TMIGD3: variants seen among roughly 807,000 people sequenced by gnomAD.
The protein encoded by TMIGD3 is AD026 protein (AD026).
A neutral mutation model predicts 28.1 loss-of-function variants in TMIGD3; 21 were observed. The observed-to-expected ratio is 0.75, with a 90% CI of 0.53 to 1.08. The LOEUF is 1.08. TMIGD3 is among the 50% of genes least tolerant of loss of function. TMIGD3 has a pLI of 0.00. For synonymous variants in TMIGD3, 151 were observed against 162.1 expected (o/e 0.93, Z 0.52); for missense variants, 416 against 435.6 (o/e 0.96, Z 0.40).
chr1:111,502,027 T>A (rs377030456), intron 1 of TMIGD3, among the ~76,000 whole-genome samples: 1 of 91,616 alleles, frequency 1.1e-5, no homozygotes, highest in Non-Finnish European at 2.5e-5. Context: ...ATTTATTATA[T>A]TATATATAGG....
chr1:111,497,549 T>C (rs1219638615), intron 1 of TMIGD3, among the ~76,000 whole-genome samples: 1 of 152,162 alleles, frequency 6.6e-6, no homozygotes, highest in Non-Finnish European at 1.5e-5. Context: ...CTCCTGGGCT[T>C]ATGGAACACC....
intron 5 of TMIGD3, chr1:111,485,279 TG>T (rs1364477823): frequency 6.5e-6 from 1 of 153,216 alleles, no homozygotes; most frequent in Non-Finnish European, 1.5e-5. Flanking sequence ...GAGGATGGCT[TG>T]AGGCCAGGAG....
intron 1 of TMIGD3, among the ~76,000 whole-genome samples, chr1:111,547,204 A>C (rs904856506): frequency 1.3e-5 from 2 of 152,124 alleles, no homozygotes; most frequent in Non-Finnish European, 2.9e-5. Context: ...ACCTTTCACC[A>C]TTAAGTATAA....
intron 1 of TMIGD3, chr1:111,499,551 TCTCTG>T: frequency 9.9e-7 from 1 of 1,013,042 alleles, no homozygotes; most frequent in Middle Eastern, 5.0e-4. Context: ...GAGAGCAGGT[TCTCTG>T]CTCAATTCCA....
At position 111,503,590 on chromosome 1, in the gene TMIGD3, A is replaced by C. The variant is rs1655367048; in HGVS notation, c.-236T>G. 7.4e-7 allele frequency: 1 copy of C among 1,349,724 alleles called. No individual in the cohort carries two copies. Among genetic ancestry groups the C allele is most frequent in the South Asian group, 1.6e-5 (1 of 62,018 alleles). 83.6% of individuals were successfully genotyped at this position (1,349,724 alleles called of 1,614,324 possible). ...CTTCCAGCCCCTTTATGCACCGCAC[A>C]TCCTCAAGTTTCCAGAATGCTGTAG... On this transcript the variant is annotated 5_prime_UTR_variant, in exon 1 of 6. It removes an upstream start codon present in the reference 5' UTR. Coordinates refer to ENST00000369716, the MANE Select transcript of TMIGD3 (RefSeq NM_020683.7).
chr1:111,488,225 G>A (rs948475912), intron 3 of TMIGD3, among the ~76,000 whole-genome samples: 1 of 150,694 alleles, frequency 6.6e-6, no homozygotes, highest in Non-Finnish European at 1.5e-5. Context: ...AAGGCACACA[G>A]ACTTTTTTTT....
chr1:111,541,217 G>A (rs1165972231), intron 1 of TMIGD3, among the ~76,000 whole-genome samples: 1 of 152,188 alleles, frequency 6.6e-6, no homozygotes, highest in Non-Finnish European at 1.5e-5. Context: ...GCTATAGAAG[G>A]AAAGCTTTGG....
intron 1 of TMIGD3, chr1:111,542,093 T>A: frequency 4.7e-6 from 1 of 212,894 alleles, no homozygotes; most frequent in South Asian, 5.7e-5. Flanking sequence ...AGCTTTTTTT[T>A]TTTTTTTGAA....
intron 1 of TMIGD3, among the ~76,000 whole-genome samples, chr1:111,522,136 AAT>A (rs1216534330): frequency 4.6e-5 from 7 of 152,218 alleles, no homozygotes; most frequent in Non-Finnish European, 1.0e-4. Context: ...TCTTTATACC[AAT>A]ACCACATCAT....
At chr1:111,486,963 G>C (rs1474756526) in intron 3 of TMIGD3, among the ~76,000 whole-genome samples, 2 of 152,206 alleles carry the variant, frequency 1.3e-5, no homozygotes, top group Non-Finnish European at 2.9e-5. Flanking sequence ...ACGTAGACTA[G>C]AAGTGGCCCA....
chr1:111,546,200 A>C (rs1304139338), intron 1 of TMIGD3, among the ~76,000 whole-genome samples: 1 of 152,222 alleles, frequency 6.6e-6, no homozygotes, highest in African/African-American at 2.4e-5. Flanking sequence ...TTAAAACTGC[A>C]GAGCAATTTA....
At chr1:111,508,903 T>A (rs942112872) in intron 1 of TMIGD3, among the ~76,000 whole-genome samples, 5 of 152,212 alleles carry the variant, frequency 3.3e-5, no homozygotes, top group African/African-American at 1.2e-4. Context: ...TAGACCAGCG[T>A]GACCAACGTG....
intron 1 of TMIGD3, among the ~76,000 whole-genome samples, chr1:111,524,510 G>T (rs1390403534): frequency 1.3e-5 from 2 of 152,120 alleles, no homozygotes. Flanking sequence ...TAGATAATTA[G>T]TGCTATCAAT....
Position 111,534,091 on chromosome 1 carries a change from A to T in TMIGD3, c.107+29755T>A, listed in dbSNP as rs1656557299. The stretch of plus-strand genomic sequence containing the variant: ...CCTCTATATAATAAGAACGATATAG[A>T]TATTATTATATATTTTATTATTGCT... On this transcript the variant is annotated intron_variant, in intron 1 of 5. Transcript: ENST00000369717. Among the ~76,000 whole-genome samples, 3 of 152,084 alleles carry T rather than the reference A, an allele frequency of 2.0e-5. No individual in the cohort carries two copies. The South Asian group carries it at 6.2e-4, about 32-fold the overall frequency.
At chr1:111,555,906 C>T (rs916553005) in intron 1 of TMIGD3, among the ~76,000 whole-genome samples, 37 of 152,076 alleles carry the variant, frequency 2.4e-4, no homozygotes, top group African/African-American at 8.2e-4. Context: ...AGAAAAAAAT[C>T]GATAAATTGA....
chr1:111,515,610 G>A (rs994918824), intron 1 of TMIGD3, among the ~76,000 whole-genome samples: 25 of 152,208 alleles, frequency 1.6e-4, no homozygotes, highest in Admixed American at 1.5e-3. Flanking sequence ...GCGGCAGCAC[G>A]GGCCGCTCCC....
chr1:111,491,826 T>C (rs961316054), intron 1 of TMIGD3, among the ~76,000 whole-genome samples: 3 of 152,228 alleles, frequency 2.0e-5, no homozygotes, highest in Non-Finnish European at 2.9e-5. Flanking sequence ...TTAGAATATA[T>C]GGACAGTGAT....
chr1:111,557,660 G>C (rs1327837993), intron 1 of TMIGD3, among the ~76,000 whole-genome samples: 1 of 152,132 alleles, frequency 6.6e-6, no homozygotes, highest in African/African-American at 2.4e-5. Context: ...ATTCTGAGAA[G>C]TAGAATGATA....
At chr1:111,549,376 C>T (rs531318240) in intron 1 of TMIGD3, among the ~76,000 whole-genome samples, 5 of 148,098 alleles carry the variant, frequency 3.4e-5, no homozygotes, top group East Asian at 3.9e-4. Context: ...GGGCTGGGCA[C>T]GGTGGCTCAC....
Sources: allele counts gnomAD v4.1 joint callset (sites outside exome capture counted in the v4.1 genomes callset), GRCh38; gene constraint gnomAD v4.1.1; transcripts MANE v1.5; gene names NCBI Gene and HGNC (gene_info 2026-07-23, HGNC 2026-07-21).